Variants in A1CF observed in about 807,000 individuals in gnomAD.
A1CF encodes the protein APOBEC1 complementation factor, also known as APOBEC-1 stimulating protein.
A1CF carries 48 observed loss-of-function variants against 68.9 expected under a neutral mutation model. The ratio of observed to expected loss-of-function variants is 0.70; its 90% confidence interval spans 0.55 to 0.89. The LOEUF (loss-of-function observed/expected upper bound fraction) is 0.89, where lower values mean the gene tolerates loss of function less well. Among genes scored for constraint, A1CF ranks in the 40% least tolerant of loss-of-function variants. A1CF has a pLI of 0.00. For missense variants in A1CF, 653 were observed against 718.9 expected, an observed-to-expected ratio of 0.91 and a Z score of 1.05; for synonymous variants, 272 against 260.4, an observed-to-expected ratio of 1.04 and a Z score of -0.43.
chr10:50,820,132 C>G (rs535205091), intron 8 of A1CF, among the ~76,000 whole-genome samples: 1 of 152,284 alleles, frequency 6.6e-6, no homozygotes, highest in Admixed American at 6.5e-5. Flanking sequence ...TCTAAGCTTT[C>G]CAAGTGGAAG....
intron 3 of A1CF, chr10:50,850,804 A>G: frequency 6.2e-7 from 1 of 1,609,452 alleles, no homozygotes; most frequent in Non-Finnish European, 8.5e-7. Context: ...GAACCTCTAA[A>G]TTCCTTTCAA....
intron 5 of A1CF, among the ~76,000 whole-genome samples, chr10:50,840,974 T>G (rs1424753119): frequency 6.6e-6 from 1 of 152,114 alleles, no homozygotes; most frequent in Admixed American, 6.6e-5. Context: ...ATCTCACCCT[T>G]TCTTATCTTG....
chr10:50,849,740 G>A (rs12250671), intron 3 of A1CF, among the ~76,000 whole-genome samples: 1,660 of 144,224 alleles, frequency 0.012, 41 homozygotes, highest in African/African-American at 0.039. Flanking sequence ...GAAAAAGTTT[G>A]CTTTTAACAT....
chr10:50,865,034 G>A (rs1249660504), intron 1 of A1CF, among the ~76,000 whole-genome samples: 1 of 152,064 alleles, frequency 6.6e-6, no homozygotes, highest in Non-Finnish European at 1.5e-5. Context: ...GCTCATCCCT[G>A]TAATTCCAGC....
At chr10:50,870,029 A>C (rs1841174939) in intron 1 of A1CF, among the ~76,000 whole-genome samples, 1 of 151,860 alleles carries the variant, frequency 6.6e-6, no homozygotes, top group African/African-American at 2.4e-5. Context: ...TTTTTAATTA[A>C]TACATAATAG....
intron 9 of A1CF, among the ~76,000 whole-genome samples, chr10:50,814,862 A>C (rs1838291529): frequency 1.3e-5 from 2 of 152,170 alleles, no homozygotes; most frequent in Admixed American, 6.5e-5. Context: ...TTATATTCTA[A>C]ATGCATAATG....
chr10:50,864,830 C>G (rs1173116072), intron 1 of A1CF, among the ~76,000 whole-genome samples: 1 of 152,150 alleles, frequency 6.6e-6, no homozygotes, highest in African/African-American at 2.4e-5. Flanking sequence ...GTTGGTCAGG[C>G]TGGTCTCGAC....
intron 6 of A1CF, among the ~76,000 whole-genome samples, chr10:50,832,984 A>G (rs1274300768): frequency 1.3e-5 from 2 of 152,170 alleles, no homozygotes; most frequent in South Asian, 2.1e-4. Flanking sequence ...TTTACATGCC[A>G]TGAAGATGAT....
intron 7 of A1CF, among the ~76,000 whole-genome samples, chr10:50,825,318 G>A (rs906777566): frequency 6.6e-6 from 1 of 152,000 alleles, no homozygotes; most frequent in East Asian, 1.9e-4. Flanking sequence ...ATAACCCTAA[G>A]CCACTACTGC....
At chr10:50,883,330 T>C (rs557306911) in intron 1 of A1CF, among the ~76,000 whole-genome samples, 1 of 152,284 alleles carries the variant, frequency 6.6e-6, no homozygotes, top group South Asian at 2.1e-4. Flanking sequence ...GGGTCAGATC[T>C]TACCCCCATT....
chr10:50,877,193 T>A (rs1273340205), intron 1 of A1CF, among the ~76,000 whole-genome samples: 1 of 152,216 alleles, frequency 6.6e-6, no homozygotes, highest in East Asian at 1.9e-4. Context: ...AAAGTGGTAA[T>A]CATGGTATAC....
At chr10:50,855,097 T>C (rs1218940333) in intron 3 of A1CF, among the ~76,000 whole-genome samples, 2 of 151,972 alleles carry the variant, frequency 1.3e-5, no homozygotes, top group Non-Finnish European at 1.5e-5. Flanking sequence ...TATATTTTTC[T>C]GAATATGCTC....
At chr10:50,815,100 A>T (rs1326919899) in intron 9 of A1CF, among the ~76,000 whole-genome samples, 36 of 152,182 alleles carry the variant, frequency 2.4e-4, no homozygotes, top group Admixed American at 2.4e-3. Context: ...CTTCTAAGTC[A>T]AACCCAAGAA....
At chr10:50,837,013 C>T (rs1839533036) in intron 5 of A1CF, among the ~76,000 whole-genome samples, 1 of 152,106 alleles carries the variant, frequency 6.6e-6, no homozygotes, top group African/African-American at 2.4e-5. Context: ...CCTGCCTGGC[C>T]CTGCAGTCGC....
At chr10:50,831,265 G>A (rs1187823316) in intron 6 of A1CF, among the ~76,000 whole-genome samples, 1 of 152,176 alleles carries the variant, frequency 6.6e-6, no homozygotes, top group Non-Finnish European at 1.5e-5. Context: ...GAATGGGATT[G>A]CATCAAACTA....
chr10:50,813,937 A>G lies in A1CF; in HGVS notation c.1243T>C (p.Tyr415His). ...AGCTCCATCCCAGGTAAAATGTCAT[A>G]GAGTTTGTCTTCTCTTTTGTCTCCT... ...VKGDKREDKL[Y>H]DILPGMELTP... The change falls in exon 10 of 13, where the codon TAT becomes CAT. Residue 415 changes from tyrosine to histidine, a missense_variant. Physicochemically the swap from Tyr to His is moderately conservative, Grantham distance 83. Transcript: ENST00000373997. The G allele has an allele frequency of 1.9e-6, 3 of 1,613,938 alleles. No individual in the cohort carries two copies. Among genetic ancestry groups the G allele is most frequent in the Non-Finnish European group, 2.5e-6 (3 of 1,179,882 alleles).
chr10:50,811,293 A>C, intron 10 of A1CF, 117 bp from the exon 11 acceptor site: 1 of 946,142 alleles, frequency 1.1e-6, no homozygotes, highest in Non-Finnish European at 1.5e-6. Flanking sequence ...AAGACATAAA[A>C]TGCCACATGA....
At chr10:50,875,409 T>G (rs533684299) in intron 1 of A1CF, among the ~76,000 whole-genome samples, 72 of 152,240 alleles carry the variant, frequency 4.7e-4, no homozygotes, top group African/African-American at 1.6e-3. Context: ...TGTTGTGTGG[T>G]TCTATGTACG....
chr10:50,842,055 A>G lies in A1CF; in HGVS notation c.235-63T>C. Reference sequence around the variant, plus strand: ...TTTGTACTTCTGAATGTATGTGTGCATGTGCTGATACACACACAAACACAC... The same window carrying G: ...TTTGTACTTCTGAATGTATGTGTGCGTGTGCTGATACACACACAAACACAC... On this transcript the variant is annotated intron_variant, in intron 4 of 12. Transcript: ENST00000373997. The G allele has an allele frequency of 2.1e-6, 3 of 1,428,202 alleles. No homozygotes were observed. The South Asian group carries it at 3.6e-5, about 17-fold the overall frequency. The allele number at this position is 1,428,202 out of a possible 1,614,324, so 88.5% of individuals were successfully genotyped here. A position where few individuals can be genotyped will look rare whatever the true frequency, so the allele number is the denominator to read the frequency against.
Sources: gnomAD v4.1 joint callset for allele counts (sites outside exome capture counted in the v4.1 genomes callset) on GRCh38, gnomAD v4.1.1 for gene constraint, MANE v1.5 for transcripts, NCBI Gene and HGNC (gene_info 2026-07-23, HGNC 2026-07-21) for gene names.